Variants in DHRSX observed in about 807,000 individuals in gnomAD.
DHRSX encodes polyprenol dehydrogenase.
DHRSX carries 31 observed loss-of-function variants against 34.0 expected under a neutral mutation model. The observed-to-expected ratio is 0.91, with a 90% CI of 0.69 to 1.23. DHRSX has a LOEUF of 1.23. Ranked by LOEUF, DHRSX falls within the 50% of genes most tolerant of loss-of-function variation. The pLI is 0.00. For missense variants in DHRSX, 414 were observed against 428.1 expected, an observed-to-expected ratio of 0.97 and a Z score of 0.29; for synonymous variants, 201 against 183.8, an observed-to-expected ratio of 1.09 and a Z score of -0.76.
At chrX:2,321,230 C>T (rs1006447996) in intron 3 of DHRSX, among the ~76,000 whole-genome samples, 3 of 152,100 alleles carry the variant, frequency 2.0e-5, no homozygotes, top group South Asian at 2.1e-4. Context: ...GATGATGATC[C>T]GATTTCGCCA....
At chrX:2,394,726 CGTGG>C (rs2043386884) in intron 3 of DHRSX, among the ~76,000 whole-genome samples, 1 of 152,042 alleles carries the variant, frequency 6.6e-6, no homozygotes, top group Non-Finnish European at 1.5e-5. Flanking sequence ...ATTAGATGGG[CGTGG>C]TGGCACGTGC....
chrX:2,489,916 GGT>G, intron 1 of DHRSX: 1 of 1,613,872 alleles, frequency 6.2e-7, no homozygotes, highest in Non-Finnish European at 8.5e-7. Context: ...CATAGTTGGT[GGT>G]GGCCCCGAAG....
chrX:2,449,921 C>T (rs1467558788), intron 1 of DHRSX, among the ~76,000 whole-genome samples: 1 of 152,170 alleles, frequency 6.6e-6, no homozygotes, highest in Non-Finnish European at 1.5e-5. Context: ...GCGTGAGCCA[C>T]CACGCCTGGC....
intron 1 of DHRSX, among the ~76,000 whole-genome samples, chrX:2,480,860 GAAGA>G (rs928490373): frequency 1.8e-4 from 28 of 151,958 alleles, no homozygotes; most frequent in Non-Finnish European, 3.8e-4. Flanking sequence ...CAGTTAGATA[GAAGA>G]AATAAATTCA....
intron 1 of DHRSX, among the ~76,000 whole-genome samples, chrX:2,480,276 A>G (rs1253699366): frequency 6.6e-6 from 1 of 151,040 alleles, no homozygotes; most frequent in Non-Finnish European, 1.5e-5. Context: ...AGAGACAAAT[A>G]CTGTATCATC....
chrX:2,262,454 C>T (rs888943597), intron 5 of DHRSX, among the ~76,000 whole-genome samples: 45 of 152,082 alleles, frequency 3.0e-4, no homozygotes, highest in Non-Finnish European at 5.1e-4. Flanking sequence ...CTCATGTGTG[C>T]CCACGGGCAC....
intron 5 of DHRSX, 28 bp from the exon 6 acceptor site, chrX:2,243,258 G>A: frequency 6.2e-7 from 1 of 1,602,794 alleles, no homozygotes; most frequent in Non-Finnish European, 8.5e-7. Flanking sequence ...GAAGGTGTAA[G>A]AGGCTGACGG....
chrX:2,405,625 G>A (rs2043543537), intron 3 of DHRSX, among the ~76,000 whole-genome samples: 2 of 151,862 alleles, frequency 1.3e-5, no homozygotes, highest in African/African-American at 4.8e-5. Flanking sequence ...GGGCAACAAG[G>A]CAAAACCCCA....
chrX:2,486,096 C>A (rs1447634097), intron 1 of DHRSX, among the ~76,000 whole-genome samples: 3 of 151,968 alleles, frequency 2.0e-5, no homozygotes, highest in Non-Finnish European at 4.4e-5. Context: ...TCCAGGCTGC[C>A]TCGTCCATGG....
intron 5 of DHRSX, 29 bp downstream of exon 5, chrX:2,266,711 T>C (rs1291577701): frequency 6.2e-7 from 1 of 1,604,696 alleles, no homozygotes; most frequent in Non-Finnish European, 8.5e-7. Context: ...CCTGAGATGC[T>C]GTTATGATTA....
At chrX:2,270,069 A>G (rs923016582) in intron 4 of DHRSX, among the ~76,000 whole-genome samples, 1 of 152,024 alleles carries the variant, frequency 6.6e-6, no homozygotes, top group African/African-American at 2.4e-5. Flanking sequence ...AGGTGTATAC[A>G]TTTTTTGAGG....
chrX:2,246,867 A>G (rs1168835443), intron 5 of DHRSX, among the ~76,000 whole-genome samples: 1 of 152,194 alleles, frequency 6.6e-6, no homozygotes, highest in East Asian at 1.9e-4. Context: ...AGAAAACCAA[A>G]AAGATCAAAG....
intron 1 of DHRSX, chrX:2,488,486 C>T (rs2045010369): frequency 5.4e-6 from 6 of 1,113,930 alleles, no homozygotes. Context: ...TCTCTCACTT[C>T]TCAAATCTCT....
At chrX:2,247,560 A>T (rs1602792722) in intron 5 of DHRSX, among the ~76,000 whole-genome samples, 1 of 150,222 alleles carries the variant, frequency 6.7e-6, no homozygotes, top group Non-Finnish European at 1.5e-5. Context: ...AAGCTGAGGC[A>T]GGAGAATGGC....
intron 3 of DHRSX, among the ~76,000 whole-genome samples, chrX:2,382,699 TCACCATCAC>T (rs2043221493): frequency 7.6e-6 from 1 of 130,768 alleles, no homozygotes; most frequent in Non-Finnish European, 1.7e-5. Flanking sequence ...ATCACCATCA[TCACCATCAC>T]CATCATCACC....
Position 2,221,680 on chromosome X carries a change from G to A in DHRSX, c.805-451C>T, listed in dbSNP as rs560318625. 5.9e-5 allele frequency among the ~76,000 whole-genome samples: 9 copies of A among 152,130 alleles called. No individual in the cohort carries two copies. In the South Asian group the frequency reaches 1.2e-3, roughly 21 times the overall value. The stretch of plus-strand genomic sequence containing the variant: ...TCAATTCAGCAAGGCATGCTACATC[G>A]GAGAATTGAGGCATTTATGAGCTGT... On this transcript the variant is annotated intron_variant, in intron 6 of 6. Coordinates refer to ENST00000334651, the MANE Select transcript of DHRSX (RefSeq NM_145177.3).
At chrX:2,259,387 GATAT>G (rs1252269127) in intron 5 of DHRSX, among the ~76,000 whole-genome samples, 2 of 90,806 alleles carry the variant, frequency 2.2e-5, no homozygotes, top group East Asian at 2.2e-4. Flanking sequence ...TATATATATA[GATAT>G]ATAGATATAT....
At chrX:2,474,812 C>A (rs1337745199) in intron 1 of DHRSX, among the ~76,000 whole-genome samples, 5 of 151,382 alleles carry the variant, frequency 3.3e-5, no homozygotes, top group African/African-American at 1.2e-4. Flanking sequence ...CCACCATATA[C>A]ACACTGAAGA....
At chrX:2,338,957 G>C (rs2042605299) in intron 3 of DHRSX, among the ~76,000 whole-genome samples, 1 of 151,778 alleles carries the variant, frequency 6.6e-6, no homozygotes, top group Non-Finnish European at 1.5e-5. Context: ...CCCCATATGA[G>C]CTCAGAAACT....
Sources: allele counts gnomAD v4.1 joint callset (sites outside exome capture counted in the v4.1 genomes callset), GRCh38; gene constraint gnomAD v4.1.1; transcripts MANE v1.5; gene names NCBI Gene and HGNC (gene_info 2026-07-23, HGNC 2026-07-21).